GRM8: variants seen among roughly 807,000 people sequenced by gnomAD.
The protein encoded by GRM8 is metabotropic glutamate receptor 8.
In GRM8, 47 loss-of-function variants were observed where a neutral mutation model predicts 87.2. That is an observed-to-expected ratio of 0.54 (90% CI 0.43 to 0.69). GRM8 has a LOEUF of 0.69. GRM8 is among the 30% of genes least tolerant of loss of function. GRM8 has a pLI of 0.00. For missense variants in GRM8, 1,019 were observed against 1,139.2 expected (o/e 0.89, Z 1.52); for synonymous variants, 396 against 404.5 (o/e 0.98, Z 0.25).
chr7:127,066,441 G>A (rs1253358140), intron 3 of GRM8, among the ~76,000 whole-genome samples: 3 of 152,100 alleles, frequency 2.0e-5, no homozygotes, highest in East Asian at 1.9e-4. Context: ...GCATTTAAGA[G>A]TTTACAAGGT....
chr7:126,613,282 C>A (rs1049754420), intron 7 of GRM8, among the ~76,000 whole-genome samples: 1 of 110,422 alleles, frequency 9.1e-6, no homozygotes, highest in Non-Finnish European at 2.2e-5. Context: ...AATTAAGTGG[C>A]GAATTTTTTT....
intron 9 of GRM8, among the ~76,000 whole-genome samples, chr7:126,450,902 G>A (rs188945096): frequency 2.6e-5 from 4 of 151,668 alleles, no homozygotes; most frequent in East Asian, 2.0e-4. Context: ...TCTCTTACTC[G>A]CTTGCTGATC....
chr7:126,570,534 A>C (rs756909572), intron 8 of GRM8, among the ~76,000 whole-genome samples: 3 of 152,198 alleles, frequency 2.0e-5, no homozygotes, highest in Non-Finnish European at 4.4e-5. Context: ...GAAGTCTCTA[A>C]AGAAGTTTTT....
At chr7:126,677,252 G>GA (rs1390647405) in intron 7 of GRM8, among the ~76,000 whole-genome samples, 1 of 150,860 alleles carries the variant, frequency 6.6e-6, no homozygotes, top group Non-Finnish European at 1.5e-5. Context: ...CCGGAGATTG[G>GA]AATATAAACT....
At chr7:126,754,744 T>C (rs1259544533) in intron 7 of GRM8, among the ~76,000 whole-genome samples, 1 of 151,926 alleles carries the variant, frequency 6.6e-6, no homozygotes, top group East Asian at 1.9e-4. Context: ...TTATTATAAA[T>C]TCACTTTCTA....
intron 3 of GRM8, among the ~76,000 whole-genome samples, chr7:127,021,645 A>G (rs537757668): frequency 1.3e-5 from 2 of 152,202 alleles, no homozygotes; most frequent in Admixed American, 6.5e-5. Flanking sequence ...GACTTTATTC[A>G]GAAAAAGACA....
At chr7:126,457,638 T>C (rs1803405996) in intron 9 of GRM8, among the ~76,000 whole-genome samples, 1 of 151,176 alleles carries the variant, frequency 6.6e-6, no homozygotes, top group South Asian at 2.1e-4. Flanking sequence ...AATTAGCAAA[T>C]ATTTTGAACT....
intron 9 of GRM8, among the ~76,000 whole-genome samples, chr7:126,521,367 T>C (rs1406602393): frequency 6.6e-6 from 1 of 152,118 alleles, no homozygotes; most frequent in Non-Finnish European, 1.5e-5. Context: ...ATTCAACTGA[T>C]TGCAATTTTT....
intron 7 of GRM8, among the ~76,000 whole-genome samples, chr7:126,724,672 A>C (rs1032029729): frequency 9.2e-5 from 14 of 152,144 alleles, no homozygotes; most frequent in African/African-American, 3.4e-4. Context: ...GTGTAACTTA[A>C]GAACACTTTT....
intron 2 of GRM8, among the ~76,000 whole-genome samples, chr7:127,107,300 A>T (rs1825900764): frequency 6.6e-6 from 1 of 152,252 alleles, no homozygotes; most frequent in African/African-American, 2.4e-5. Flanking sequence ...AATTGCCAGC[A>T]GCCACATATC....
At chr7:127,225,090 GA>G (rs1332382288) in intron 2 of GRM8, among the ~76,000 whole-genome samples, 4 of 152,190 alleles carry the variant, frequency 2.6e-5, no homozygotes, top group Non-Finnish European at 5.9e-5. Context: ...AGAACAGCAG[GA>G]AAAGGTCCAA....
At chr7:126,818,041 T>C (rs1793954498) in intron 6 of GRM8, among the ~76,000 whole-genome samples, 1 of 152,132 alleles carries the variant, frequency 6.6e-6, no homozygotes. Flanking sequence ...CTTAAACTTC[T>C]TTGACTCTTT....
At chr7:126,602,521 G>A (rs1274804773) in intron 8 of GRM8, among the ~76,000 whole-genome samples, 1 of 140,794 alleles carries the variant, frequency 7.1e-6, no homozygotes, top group African/African-American at 2.5e-5. Flanking sequence ...AATTACCTTG[G>A]GCAGTATGGC....
chr7:126,817,588 A>G (rs1177118423), intron 6 of GRM8, among the ~76,000 whole-genome samples: 1 of 152,170 alleles, frequency 6.6e-6, no homozygotes, highest in African/African-American at 2.4e-5. Context: ...CAGTAAATTT[A>G]GAAAGTATCC....
At chr7:126,443,211 CAGTTGGCAA>C (rs138454293) in intron 10 of GRM8, among the ~76,000 whole-genome samples, 25,374 of 151,844 alleles carry the variant, frequency 0.17, 2,415 homozygotes, top group East Asian at 0.26. Context: ...TAATTGGGTA[CAGTTGGCAA>C]AATTCATATA....
At chr7:126,961,595 A>G (rs891687094) in intron 3 of GRM8, among the ~76,000 whole-genome samples, 1 of 151,988 alleles carries the variant, frequency 6.6e-6, no homozygotes, top group African/African-American at 2.4e-5. Flanking sequence ...TGCTGGCTCT[A>G]CTCCTGCCTC....
intron 6 of GRM8, among the ~76,000 whole-genome samples, chr7:126,833,022 T>C (rs1795536351): frequency 6.6e-6 from 1 of 152,228 alleles, no homozygotes; most frequent in Non-Finnish European, 1.5e-5. Flanking sequence ...GGAGGTCACA[T>C]GGTATTCTCA....
intron 8 of GRM8, among the ~76,000 whole-genome samples, chr7:126,591,805 T>A (rs767127524): frequency 6.6e-6 from 1 of 150,936 alleles, no homozygotes; most frequent in Non-Finnish European, 1.5e-5. Flanking sequence ...AAAATAGATA[T>A]TAGAAACTCA....
chr7:127,073,839 C>A (rs902275622), intron 3 of GRM8, among the ~76,000 whole-genome samples: 1 of 152,160 alleles, frequency 6.6e-6, no homozygotes, highest in Non-Finnish European at 1.5e-5. Flanking sequence ...CTGTGCTCCT[C>A]CAACTAGACA....
Sources: allele counts gnomAD v4.1 joint callset (sites outside exome capture counted in the v4.1 genomes callset), GRCh38; gene constraint gnomAD v4.1.1; transcripts MANE v1.5; gene names NCBI Gene and HGNC (gene_info 2026-07-23, HGNC 2026-07-21).